FANCC: variants seen among roughly 807,000 people sequenced by gnomAD.
FANCC encodes FA complementation group C.
In FANCC, 55 loss-of-function variants were observed where a neutral mutation model predicts 71.3. That is an observed-to-expected ratio of 0.77 (90% CI 0.62 to 0.97). FANCC has a LOEUF of 0.97. Among genes scored for constraint, FANCC ranks in the 50% least tolerant of loss-of-function variants. The pLI, the probability that FANCC is intolerant of heterozygous loss-of-function variation, is 0.00. For synonymous variants in FANCC, 275 were observed against 244.9 expected (o/e 1.12, Z -1.15); for missense variants, 678 against 670.9 (o/e 1.01, Z -0.12).
In FANCC at chr9:95,171,102, A is replaced by C. The variant is rs1431905666; in HGVS notation, c.498T>G (p.Leu166=). Reference sequence around the variant, plus strand: ...ACCGCCTTTGAGTGTTAAATCCATTAAGATGATTCTCTCTGAGTTCAGACG... The same window carrying C: ...ACCGCCTTTGAGTGTTAAATCCATTCAGATGATTCTCTCTGAGTTCAGACG... ...SLASELRENH[L]NGFNTQRRMA... is the part of the protein sequence containing the mutation. The change falls in exon 6 of 15, where the codon CTT becomes CTG. Residue 166 remains leucine, a synonymous_variant. Transcript: ENST00000289081. 6.2e-7 allele frequency: 1 copy of C among 1,613,394 alleles called. No individual in the cohort carries two copies. Among genetic ancestry groups the C allele is most frequent in the Non-Finnish European group, 8.5e-7 (1 of 1,179,562 alleles).
intron 1 of FANCC, among the ~76,000 whole-genome samples, chr9:95,307,714 C>G (rs1835148827): frequency 6.6e-6 from 1 of 152,156 alleles, no homozygotes; most frequent in Non-Finnish European, 1.5e-5. Flanking sequence ...AAGAAGATAG[C>G]CAGTAGGTAT....
Position 95,235,302 on chromosome 9 carries a change from G to C in FANCC, c.345+5347C>G, listed in dbSNP as rs375270902. Among the ~76,000 whole-genome samples, 11 of 152,324 alleles carry C rather than the reference G, an allele frequency of 7.2e-5. No homozygotes were observed. In the East Asian group the frequency reaches 2.1e-3, roughly 29 times the overall value. ...ATGATGAAGGTGGCACCACAGATCA[G>C]TGGGAAATGCACCCAAAGGAACCTG... On this transcript the variant is annotated intron_variant, in intron 4 of 14. Transcript: ENST00000289081.
chr9:95,146,183 A>G (rs1331381112), intron 7 of FANCC, among the ~76,000 whole-genome samples: 1 of 152,140 alleles, frequency 6.6e-6, no homozygotes, highest in South Asian at 2.1e-4. Context: ...TTTCTCACTG[A>G]AAGTATTTAA....
intron 4 of FANCC, among the ~76,000 whole-genome samples, chr9:95,193,397 C>T (rs1281737936): frequency 3.9e-5 from 6 of 152,188 alleles, no homozygotes; most frequent in Non-Finnish European, 8.8e-5. Context: ...GGAGACGAAA[C>T]AGACCTCCAA....
At position 95,247,528 on chromosome 9, in the gene FANCC, A is replaced by G. The variant is rs750149218; in HGVS notation, c.166-12T>C. 3 of 1,607,874 alleles carry G rather than the reference A, an allele frequency of 1.9e-6. No individual in the cohort carries two copies. Among genetic ancestry groups the G allele is most frequent in the Non-Finnish European group, 2.6e-6 (3 of 1,174,724 alleles). On this transcript the variant is annotated splice_polypyrimidine_tract_variant and intron_variant, in intron 2 of 14. Transcript: ENST00000289081. ...ACTGTATTAGAATCCTGTGAAAGAAAAATAAATTTTGGTCAGTAAAGGCAT... is the reference window on the plus strand; with the variant it reads ...ACTGTATTAGAATCCTGTGAAAGAAGAATAAATTTTGGTCAGTAAAGGCAT...
At chr9:95,196,303 A>T (rs1011341850) in intron 4 of FANCC, among the ~76,000 whole-genome samples, 3 of 151,886 alleles carry the variant, frequency 2.0e-5, no homozygotes, top group East Asian at 1.9e-4. Flanking sequence ...TTTTTTTTTT[A>T]AATCATGAAT....
intron 1 of FANCC, among the ~76,000 whole-genome samples, chr9:95,310,355 C>A (rs1316529889): frequency 4.0e-5 from 6 of 151,464 alleles, no homozygotes; most frequent in African/African-American, 1.5e-4. Context: ...AGGGCAAGAC[C>A]CTGTTTCAAA....
At chr9:95,293,846 G>C (rs941010641) in intron 1 of FANCC, 35 of 1,611,714 alleles carry the variant, frequency 2.2e-5, no homozygotes, top group Non-Finnish European at 3.0e-5. Flanking sequence ...AAAGTCCAAC[G>C]GATGACCATG....
intron 9 of FANCC, among the ~76,000 whole-genome samples, chr9:95,125,873 A>G (rs1459058032): frequency 6.6e-6 from 1 of 152,114 alleles, no homozygotes; most frequent in Non-Finnish European, 1.5e-5. Flanking sequence ...CCAGGTGACA[A>G]GCTCCCCAGG....
At chr9:95,155,950 T>C (rs1830444758) in intron 6 of FANCC, among the ~76,000 whole-genome samples, 1 of 149,686 alleles carries the variant, frequency 6.7e-6, no homozygotes, top group Admixed American at 6.7e-5. Context: ...GGTCTCAAAC[T>C]CCTGGGTTCA....
chr9:95,164,137 AGTTT>A, intron 6 of FANCC, among the ~76,000 whole-genome samples: 1 of 152,300 alleles, frequency 6.6e-6, no homozygotes, highest in East Asian at 1.9e-4. Flanking sequence ...TTGTTGAATT[AGTTT>A]ATTAGTTCTA....
chr9:95,190,079 T>C (rs565831673), intron 4 of FANCC, among the ~76,000 whole-genome samples: 1 of 152,250 alleles, frequency 6.6e-6, no homozygotes, highest in African/African-American at 2.4e-5. Context: ...GCTCATCTCA[T>C]ATGTAGTTGA....
chr9:95,234,259 A>G (rs896533952), intron 4 of FANCC, among the ~76,000 whole-genome samples: 3 of 152,260 alleles, frequency 2.0e-5, no homozygotes, highest in Admixed American at 2.0e-4. Context: ...ATAAATTTGT[A>G]CAACTTTTAA....
intron 1 of FANCC, chr9:95,292,328 T>C: frequency 1.3e-6 from 1 of 751,538 alleles, no homozygotes; most frequent in Non-Finnish European, 1.6e-6. Flanking sequence ...CTGGCCGCCC[T>C]GCGGGAGCCA....
At chr9:95,287,900 T>C (rs774912913) in intron 1 of FANCC, among the ~76,000 whole-genome samples, 76 of 152,348 alleles carry the variant, frequency 5.0e-4, no homozygotes, top group Non-Finnish European at 4.4e-4. Context: ...TCAAGATACA[T>C]ATCCAAGATA....
intron 4 of FANCC, among the ~76,000 whole-genome samples, chr9:95,183,455 C>G (rs572239821): frequency 6.6e-6 from 1 of 152,364 alleles, no homozygotes; most frequent in Non-Finnish European, 1.5e-5. Flanking sequence ...ACAGATTGCT[C>G]TCTTACAGCT....
intron 4 of FANCC, among the ~76,000 whole-genome samples, chr9:95,226,647 A>G (rs1829638484): frequency 6.6e-6 from 1 of 152,148 alleles, no homozygotes; most frequent in Non-Finnish European, 1.5e-5. Flanking sequence ...ATCTTCAACC[A>G]CAAAACCTCG....
At chr9:95,169,796 C>T (rs2135567937) in intron 6 of FANCC, among the ~76,000 whole-genome samples, 1 of 152,272 alleles carries the variant, frequency 6.6e-6, no homozygotes, top group South Asian at 2.1e-4. Flanking sequence ...AAAATAAGGT[C>T]TAGGACTTCC....
At chr9:95,281,509 C>T (rs1833382985) in intron 1 of FANCC, among the ~76,000 whole-genome samples, 1 of 151,992 alleles carries the variant, frequency 6.6e-6, no homozygotes, top group Non-Finnish European at 1.5e-5. Flanking sequence ...TTCATCAGCA[C>T]CAGACCTGTC....
Sources: allele counts gnomAD v4.1 joint callset (sites outside exome capture counted in the v4.1 genomes callset), GRCh38; gene constraint gnomAD v4.1.1; transcripts MANE v1.5; gene names NCBI Gene and HGNC (gene_info 2026-07-23, HGNC 2026-07-21).